DNM3: variants seen among roughly 807,000 people sequenced by gnomAD.
The protein encoded by DNM3 is dynamin 3, also known as dynamin-3.
In DNM3, 47 loss-of-function variants were observed where a neutral mutation model predicts 101.6. The ratio of observed to expected loss-of-function variants is 0.46; its 90% CI spans 0.37 to 0.59. The LOEUF (loss-of-function observed/expected upper bound fraction) is 0.59. DNM3 is among the 20% of genes least tolerant of loss of function. DNM3 has a pLI of 0.00. For missense variants in DNM3, 849 were observed against 1,085.7 expected, an observed-to-expected ratio of 0.78 and a Z score of 3.06; for synonymous variants, 385 against 387.9, an observed-to-expected ratio of 0.99 and a Z score of 0.09.
At chr1:172,133,331 G>A in intron 14 of DNM3, 1 of 1,005,860 alleles carries the variant, frequency 9.9e-7, no homozygotes, top group Non-Finnish European at 1.2e-6. Context: ...TGCCCTTGTA[G>A]CTTCCTTATG....
intron 1 of DNM3, among the ~76,000 whole-genome samples, chr1:171,910,272 C>T (rs1002190075): frequency 1.3e-5 from 2 of 152,166 alleles, no homozygotes; most frequent in African/African-American, 4.8e-5. Flanking sequence ...TGGTCAATTG[C>T]GGTCTGAAAA....
At chr1:171,908,054 A>G (rs1261437476) in intron 1 of DNM3, among the ~76,000 whole-genome samples, 1 of 152,216 alleles carries the variant, frequency 6.6e-6, no homozygotes, top group Non-Finnish European at 1.5e-5. Flanking sequence ...AGTTTTATAA[A>G]ATACTTAGCA....
At chr1:171,978,432 G>C (rs1046200849) in intron 2 of DNM3, among the ~76,000 whole-genome samples, 1 of 152,118 alleles carries the variant, frequency 6.6e-6, no homozygotes, top group Admixed American at 6.6e-5. Flanking sequence ...GAGGTAGGAA[G>C]GGACTTGGTG....
chr1:172,065,301 G>C (rs936273187), intron 10 of DNM3, among the ~76,000 whole-genome samples: 1 of 152,140 alleles, frequency 6.6e-6, no homozygotes. Context: ...GACCTCAAAT[G>C]CTTGCGTAGT....
chr1:172,355,544 G>T (rs899917122), intron 17 of DNM3, among the ~76,000 whole-genome samples: 3 of 152,138 alleles, frequency 2.0e-5, no homozygotes, highest in African/African-American at 7.2e-5. Flanking sequence ...CAGGATGGGG[G>T]AAAGCCCTGT....
At chr1:171,993,419 C>A (rs1179922948) in intron 4 of DNM3, among the ~76,000 whole-genome samples, 1 of 151,384 alleles carries the variant, frequency 6.6e-6, no homozygotes, top group African/African-American at 2.4e-5. Flanking sequence ...CATCTGACCT[C>A]CATGGTCAAA....
At chr1:172,160,385 C>A (rs2058503675) in intron 14 of DNM3, among the ~76,000 whole-genome samples, 1 of 151,894 alleles carries the variant, frequency 6.6e-6, no homozygotes, top group Non-Finnish European at 1.5e-5. Flanking sequence ...AAAAAAATTT[C>A]TTTTTTAATA....
intron 11 of DNM3, among the ~76,000 whole-genome samples, chr1:172,075,780 T>A (rs2052599687): frequency 6.6e-6 from 1 of 152,238 alleles, no homozygotes; most frequent in Non-Finnish European, 1.5e-5. Flanking sequence ...TTGCCTACGC[T>A]TGTCTTGGCT....
At chr1:172,175,892 G>T (rs1180009391) in intron 14 of DNM3, among the ~76,000 whole-genome samples, 1 of 151,774 alleles carries the variant, frequency 6.6e-6, no homozygotes, top group Non-Finnish European at 1.5e-5. Flanking sequence ...TTAGAAGGTA[G>T]ATTTTGTGGT....
chr1:171,941,924 C>T (rs1235675196), intron 2 of DNM3, among the ~76,000 whole-genome samples: 2 of 152,002 alleles, frequency 1.3e-5, no homozygotes, highest in Non-Finnish European at 2.9e-5. Flanking sequence ...ACCCATATGC[C>T]TTTTTTGCAC....
chr1:172,346,359 G>T (rs2066940094), intron 17 of DNM3, among the ~76,000 whole-genome samples: 1 of 152,200 alleles, frequency 6.6e-6, no homozygotes. Flanking sequence ...AAGGTGTACA[G>T]TGAAGACTGA....
intron 2 of DNM3, among the ~76,000 whole-genome samples, chr1:171,928,211 T>C (rs2040729783): frequency 6.6e-6 from 1 of 152,194 alleles, no homozygotes; most frequent in Admixed American, 6.5e-5. Context: ...GGCTCCCCTA[T>C]TTTTCCTCAC....
At chr1:172,091,871 G>C (rs1221508765) in intron 12 of DNM3, among the ~76,000 whole-genome samples, 1 of 152,172 alleles carries the variant, frequency 6.6e-6, no homozygotes. Context: ...ATCCAGATGA[G>C]GGATGGCAGT....
At chr1:171,904,818 G>A (rs1040930568) in intron 1 of DNM3, among the ~76,000 whole-genome samples, 6 of 152,164 alleles carry the variant, frequency 3.9e-5, no homozygotes, top group Admixed American at 3.3e-4. Flanking sequence ...TTGGTACGGA[G>A]GCTGAGGGAG....
chr1:172,234,913 G>A (rs972200481), intron 14 of DNM3, among the ~76,000 whole-genome samples: 6 of 152,156 alleles, frequency 3.9e-5, no homozygotes, highest in South Asian at 2.1e-4. Flanking sequence ...GAAAACCTAG[G>A]CAGTACCATT....
intron 10 of DNM3, among the ~76,000 whole-genome samples, chr1:172,065,141 G>A (rs965691165): frequency 6.6e-6 from 1 of 152,150 alleles, no homozygotes; most frequent in African/African-American, 2.4e-5. Flanking sequence ...ACTTAATGAT[G>A]GCCATATACT....
chr1:172,294,796 C>T (rs757602800), intron 15 of DNM3, among the ~76,000 whole-genome samples: 5 of 151,290 alleles, frequency 3.3e-5, no homozygotes, highest in Admixed American at 1.3e-4. Flanking sequence ...GCTGTAGTCC[C>T]GGCTACTTGG....
intron 13 of DNM3, among the ~76,000 whole-genome samples, chr1:172,111,111 GA>G (rs2055441808): frequency 1.3e-5 from 2 of 152,210 alleles, no homozygotes; most frequent in Non-Finnish European, 2.9e-5. Context: ...ATCTAATAAA[GA>G]AACTGATTTA....
chr1:171,866,800 G>T (rs192556234), intron 1 of DNM3, among the ~76,000 whole-genome samples: 2 of 151,768 alleles, frequency 1.3e-5, no homozygotes, highest in East Asian at 3.9e-4. Flanking sequence ...CATGTTATCT[G>T]GGTCCTTAGG....
Sources: gnomAD v4.1 joint callset for allele counts (sites outside exome capture counted in the v4.1 genomes callset) on GRCh38, gnomAD v4.1.1 for gene constraint, MANE v1.5 for transcripts, NCBI Gene and HGNC (gene_info 2026-07-23, HGNC 2026-07-21) for gene names.